ACTR1A: variants seen among roughly 807,000 people sequenced by gnomAD.
The protein encoded by ACTR1A is alpha-centractin.
A neutral mutation model predicts 50.7 loss-of-function variants in ACTR1A; 10 were observed. That is an observed-to-expected ratio of 0.20 (90% CI 0.12 to 0.33). The LOEUF is 0.33. Among genes scored for constraint, ACTR1A ranks in the 10% least tolerant of loss-of-function variants. The pLI, the probability that ACTR1A is intolerant of heterozygous loss-of-function variation, is 1.00. For synonymous variants in ACTR1A, 177 were observed against 184.2 expected (o/e 0.96, Z 0.32); for missense variants, 253 against 491.7 (o/e 0.51, Z 4.59).
rs559857189 is a variant in ACTR1A at position 102,490,099 on chromosome 10, G to A, written c.113+450C>T. ...AAATACAAAAAAATTAGCCAGGCAC[G>A]GTGGCAGGCGCCTGTAGTCCCAGCT... On this transcript the variant is annotated intron_variant, in intron 2 of 10. Coordinates refer to ENST00000369905, the MANE Select transcript of ACTR1A (RefSeq NM_005736.4). Among the ~76,000 whole-genome samples, 312 of 151,914 alleles carry A rather than the reference G, an allele frequency of 2.1e-3. 1 individual carries two copies. Among genetic ancestry groups the A allele is most frequent in the African/African-American group, 6.8e-3 (282 of 41,440 alleles).
chr10:102,498,993 C>G (rs2135590450), intron 1 of ACTR1A, among the ~76,000 whole-genome samples: 1 of 152,236 alleles, frequency 6.6e-6, no homozygotes, highest in East Asian at 1.9e-4. Flanking sequence ...AAGCACACAC[C>G]TACCTGCCCC....
intron 6 of ACTR1A, chr10:102,483,934 C>G (rs1201140221): frequency 1.8e-6 from 1 of 569,360 alleles, no homozygotes; most frequent in Non-Finnish European, 3.2e-6. Context: ...TAGCCATCAC[C>G]CAACTGAAGA....
chr10:102,498,994 T>G (rs2062235084), intron 1 of ACTR1A, among the ~76,000 whole-genome samples: 1 of 152,172 alleles, frequency 6.6e-6, no homozygotes, highest in Non-Finnish European at 1.5e-5. Flanking sequence ...AGCACACACC[T>G]ACCTGCCCCT....
chr10:102,483,971 C>A (rs1336242819), intron 6 of ACTR1A, 189 bp downstream of exon 6: 4 of 595,698 alleles, frequency 6.7e-6, no homozygotes, highest in Non-Finnish European at 1.2e-5. Context: ...TTTCCCCCAA[C>A]AAGATGGCAG....
At position 102,483,203 on chromosome 10, in the gene ACTR1A, C is replaced by T. The variant is rs372174657; in HGVS notation, c.658-100G>A. ...GTGCTGCTGCACAAACCTGTCTAAA[C>T]GTTGTGATGGCCCCAATGGTCACTA... On this transcript the variant is annotated intron_variant, in intron 6 of 10. Coordinates refer to ENST00000369905, the MANE Select transcript of ACTR1A (RefSeq NM_005736.4). 1.5e-4 allele frequency: 133 copies of T among 916,160 alleles called. 1 individual carries two copies. The highest frequency in any genetic ancestry group is 1.4e-3 in the South Asian group (103 of 74,096). The allele number at this position is 916,160 out of a possible 1,614,324, so 56.8% of individuals were successfully genotyped here.
intron 1 of ACTR1A, among the ~76,000 whole-genome samples, chr10:102,496,869 TATTG>T (rs1057486817): frequency 2.0e-5 from 3 of 152,294 alleles, no homozygotes; most frequent in Admixed American, 6.5e-5. Flanking sequence ...GATAATAGTA[TATTG>T]ATTATGTTTT....
In ACTR1A at chr10:102,479,768, T is replaced by G; in HGVS notation, c.*1095A>C. 1.0e-6 allele frequency: 1 copy of G among 1,000,664 alleles called. No homozygotes were observed. Among genetic ancestry groups the G allele is most frequent in the Non-Finnish European group, 1.3e-6 (1 of 749,072 alleles). 62.0% of individuals were successfully genotyped at this position (1,000,664 alleles called of 1,614,324 possible). ...TCTCCAGTCTTAAGGGCACTGGCTCTCCAACACCCCTCCCTTGCTTAGGGG... is the reference window on the plus strand; with the variant it reads ...TCTCCAGTCTTAAGGGCACTGGCTCGCCAACACCCCTCCCTTGCTTAGGGG... On this transcript the variant is annotated 3_prime_UTR_variant, in exon 11 of 11. Coordinates refer to ENST00000369905, the MANE Select transcript of ACTR1A (RefSeq NM_005736.4). This position sits in a 1 kb window ranked among gnomAD's most constrained non-coding sequence, Gnocchi z 4.0.
intron 1 of ACTR1A, among the ~76,000 whole-genome samples, chr10:102,500,462 G>C (rs964014363): frequency 6.6e-6 from 1 of 152,110 alleles, no homozygotes; most frequent in Non-Finnish European, 1.5e-5. Context: ...CCAGCTACTC[G>C]GGAGGCTGAG....
chr10:102,499,637 G>A (rs1172982482), intron 1 of ACTR1A, among the ~76,000 whole-genome samples: 2 of 152,206 alleles, frequency 1.3e-5, no homozygotes, highest in Non-Finnish European at 2.9e-5. Flanking sequence ...AATTCAAGAA[G>A]CAAAGGAGCT....
At chr10:102,481,030 C>G in intron 10 of ACTR1A, 65 bp from the exon 11 acceptor site, 1 of 1,576,464 alleles carries the variant, frequency 6.3e-7, no homozygotes. Context: ...GCCTACCAGT[C>G]CCCTGGGGCC....
intron 6 of ACTR1A, chr10:102,483,767 CCCGGGAGGCAG>C (rs2062154183): frequency 5.3e-6 from 1 of 189,458 alleles, no homozygotes; most frequent in Admixed American, 5.3e-5. Flanking sequence ...ATTGCTTGAA[CCCGGGAGGCAG>C]AGGTTACAGT....
intron 1 of ACTR1A, among the ~76,000 whole-genome samples, chr10:102,501,913 C>A (rs2062254069): frequency 6.6e-6 from 1 of 152,226 alleles, no homozygotes; most frequent in African/African-American, 2.4e-5. Flanking sequence ...CCTTTCTTCT[C>A]GACCTTTACC....
intron 1 of ACTR1A, among the ~76,000 whole-genome samples, chr10:102,498,090 C>CAAAA (rs10719520): frequency 7.7e-6 from 1 of 130,528 alleles, no homozygotes; most frequent in Non-Finnish European, 1.7e-5. Flanking sequence ...GACCTTGTCT[C>CAAAA]AAAAAAAAAA....
rs2062260441 is a variant in ACTR1A, at chr10:102,502,301, AG to A, written c.48+298del. Among the ~76,000 whole-genome samples, 5 of 150,206 alleles carry A rather than the reference AG, an allele frequency of 3.3e-5. No homozygotes were observed. In the South Asian group the frequency reaches 1.0e-3, roughly 31 times the overall value. Reference sequence around the variant, plus strand: ...AATAGAGCGATCGGAAATGGGGGAGAGGGCGGGCGACGGGAATCTCACACAG... The same window carrying A: ...AATAGAGCGATCGGAAATGGGGGAGAGGCGGGCGACGGGAATCTCACACAG... On this transcript the variant is annotated intron_variant, in intron 1 of 10. Transcript: ENST00000369905.
At chr10:102,484,560 G>A (rs575907388) in intron 5 of ACTR1A, among the ~76,000 whole-genome samples, 184 bp from the exon 6 acceptor site, 8 of 152,246 alleles carry the variant, frequency 5.3e-5, no homozygotes, top group South Asian at 2.1e-4. Flanking sequence ...ATACCTGAAC[G>A]GAAGTTGCTG....
chr10:102,482,247 C>T lies in ACTR1A; in HGVS notation c.751-72G>A, dbSNP rs141432176. On this transcript the variant is annotated intron_variant, in intron 7 of 10. Transcript: ENST00000369905. This position sits in a 1 kb window ranked among gnomAD's most constrained non-coding sequence, Gnocchi z 5.6. The stretch of plus-strand genomic sequence containing the variant: ...TCCCTTTGGGAGTGGGAATGGAAGA[C>T]GCCCCTCTGCACGTCACTTAGTAAC... 734 of 1,458,454 alleles carry T rather than the reference C, an allele frequency of 5.0e-4. 2 individuals are homozygous for T. The African/African-American group carries it at 8.5e-3, about 17-fold the overall frequency. The allele number at this position is 1,458,454 out of a possible 1,614,324, so 90.3% of individuals were successfully genotyped here.
chr10:102,488,297 T>G lies in ACTR1A; in HGVS notation c.190-22A>C. 6.2e-7 allele frequency: 1 copy of G among 1,608,600 alleles called. No homozygotes were observed. The highest frequency in any genetic ancestry group is 1.3e-5 in the African/African-American group (1 of 74,966). On this transcript the variant is annotated intron_variant, in intron 3 of 10. Transcript: ENST00000369905. This position sits in a 1 kb window ranked among gnomAD's most constrained non-coding sequence, Gnocchi z 4.4. ...GCTCCTGGGAAAAGAGAACAGGACT[T>G]ACGACTGCAGTCAGGCTCCACCCAG... is the stretch of plus-strand genomic sequence containing the variant.
intron 9 of ACTR1A, 133 bp from the exon 10 acceptor site, chr10:102,481,305 A>C: frequency 1.0e-6 from 1 of 972,078 alleles, no homozygotes. Flanking sequence ...TCTGGAGGGC[A>C]CTGTGGCCAG....
chr10:102,490,681 T>C (rs1679356342), intron 1 of ACTR1A, 68 bp from the exon 2 acceptor site: 10 of 1,297,676 alleles, frequency 7.7e-6, no homozygotes, highest in Non-Finnish European at 1.1e-5. Flanking sequence ...ATACATTATA[T>C]GGTACCATTT....
Sources: gnomAD v4.1 joint callset for allele counts (sites outside exome capture counted in the v4.1 genomes callset) on GRCh38, gnomAD v4.1.1 for gene constraint, Gnocchi (gnomAD v3.1) non-coding constraint, MANE v1.5 for transcripts, NCBI Gene and HGNC (gene_info 2026-07-23, HGNC 2026-07-21) for gene names.